Variants in MS4A18 observed in about 807,000 individuals in gnomAD.
MS4A18 encodes the protein membrane spanning 4-domains A18, also known as membrane-spanning 4-domains subfamily A member 18.
Under a neutral mutation model 13.1 loss-of-function variants are expected in MS4A18, and 27 were observed. The ratio of observed to expected loss-of-function variants is 2.06; its 90% CI spans 1.52 to 2.84. MS4A18 has a LOEUF of 2.84. Ranked by LOEUF, MS4A18 falls within the 30% of genes most tolerant of loss-of-function variation. The pLI is 0.00. For missense variants in MS4A18, 307 were observed against 196.4 expected (o/e 1.56, Z -3.37); for synonymous variants, 126 against 76.5 (o/e 1.65, Z -3.38).
rs910122221 is a variant in MS4A18, at chr11:60,739,094, A to G, written c.744+97A>G. 1.1e-5 allele frequency: 7 copies of G among 661,542 alleles called. No individual in the cohort carries two copies. The African/African-American group carries it at 1.1e-4, about 10-fold the overall frequency. 41.0% of individuals were successfully genotyped at this position (661,542 alleles called of 1,614,324 possible). A position where few individuals can be genotyped will look rare whatever the true frequency, so the allele number is the denominator to read the frequency against. ...CAGAATGGAATTGCCCCAGAATTCC[A>G]TCCTAGTATGACAACCACTACATCC... On this transcript the variant is annotated intron_variant, in intron 4 of 5. Transcript: ENST00000529108.
chr11:60,734,534 T>C (rs764103359), intron 2 of MS4A18, among the ~76,000 whole-genome samples: 5 of 152,208 alleles, frequency 3.3e-5, no homozygotes, highest in Non-Finnish European at 7.3e-5. Flanking sequence ...ATTCAGTATA[T>C]TTCATCTTGC....
chr11:60,743,916 C>A, exon 6 of MS4A18: 1 of 703,126 alleles, frequency 1.4e-6, no homozygotes, highest in Non-Finnish European at 2.6e-6. Flanking sequence ...CTACCACTGC[C>A]CCTGCCAAAG....
At chr11:60,736,948 A>G (rs1407598527) in intron 2 of MS4A18, 30 bp from the exon 4 acceptor site, 2 of 682,592 alleles carry the variant, frequency 2.9e-6, no homozygotes, top group Non-Finnish European at 5.3e-6. Context: ...ACAATTGGTC[A>G]TTCTTTTTTT....
chr11:60,729,378 C>T (rs1315035604), exon 1 of MS4A18: 9 of 702,700 alleles, frequency 1.3e-5, no homozygotes, highest in East Asian at 5.4e-5. Flanking sequence ...ATAATGTTCA[C>T]GTCATCCAGC....
At chr11:60,741,266 G>A (rs1853411282) in intron 5 of MS4A18, 123 bp downstream of exon 6, 2 of 676,592 alleles carry the variant, frequency 3.0e-6, no homozygotes, top group Admixed American at 4.1e-5. Context: ...GTTAAGTTTT[G>A]CTGCATAGCT....
At chr11:60,736,594 A>G (rs1246551248) in intron 2 of MS4A18, among the ~76,000 whole-genome samples, 1 of 152,162 alleles carries the variant, frequency 6.6e-6, no homozygotes, top group Non-Finnish European at 1.5e-5. Flanking sequence ...TTCCAAGATC[A>G]CAGTTGAGGA....
chr11:60,733,046 G>A (rs1255332432), intron 1 of MS4A18, among the ~76,000 whole-genome samples: 1 of 152,220 alleles, frequency 6.6e-6, no homozygotes, highest in Non-Finnish European at 1.5e-5. Flanking sequence ...AACTATCTGA[G>A]AACGATGTTA....
exon 1 of MS4A18, chr11:60,729,626 C>G (rs1301923941): frequency 1.4e-6 from 1 of 702,760 alleles, no homozygotes; most frequent in Admixed American, 2.0e-5. Context: ...ACACAGGGAA[C>G]CACGAATCTC....
chr11:60,726,507 T>TG (rs1172299722), upstream of MS4A18, among the ~76,000 whole-genome samples: 1 of 152,160 alleles, frequency 6.6e-6, no homozygotes, highest in African/African-American at 2.4e-5. Context: ...GAAACACAGA[T>TG]GGCTGATCCT....
At chr11:60,742,259 G>A (rs1412570849) in intron 5 of MS4A18, among the ~76,000 whole-genome samples, 1 of 152,086 alleles carries the variant, frequency 6.6e-6, no homozygotes, top group Admixed American at 6.5e-5. Context: ...TTTTTCATAA[G>A]GAAAGGCCTG....
Position 60,743,631 on chromosome 11 carries a change from CAT to C in MS4A18, c.859-18_859-17del, listed in dbSNP as rs1565062671. On this transcript the variant is annotated splice_polypyrimidine_tract_variant and intron_variant, in intron 5 of 5. Coordinates refer to ENST00000529108, the Ensembl canonical transcript of MS4A18. ...TTACTACAGAGGAAGATGACGACCA[CAT>C]GTCCTTTGTCTTTCAGAATGTGGCA... 1.4e-6 allele frequency: 1 copy of C among 700,022 alleles called. No homozygotes were observed. Among genetic ancestry groups the C allele is most frequent in the Non-Finnish European group, 2.6e-6 (1 of 383,292 alleles). The allele number at this position is 700,022 out of a possible 1,614,324, so 43.4% of individuals were successfully genotyped here. A position where few individuals can be genotyped will look rare whatever the true frequency, so the allele number is the denominator to read the frequency against.
At chr11:60,731,085 C>G (rs776092088) in intron 1 of MS4A18, among the ~76,000 whole-genome samples, 5 of 151,974 alleles carry the variant, frequency 3.3e-5, no homozygotes, top group Admixed American at 6.5e-5. Flanking sequence ...CAGAGCTAGA[C>G]TCAGTCTTTA....
upstream of MS4A18, among the ~76,000 whole-genome samples, chr11:60,727,896 A>G (rs1392034587): frequency 1.3e-5 from 2 of 152,358 alleles, no homozygotes; most frequent in South Asian, 4.1e-4. Context: ...AGTCCAGCTT[A>G]TCAGTCCTCA....
At chr11:60,728,438 GTGTGTGTC>G (rs1171905845), upstream of MS4A18, among the ~76,000 whole-genome samples, 1 of 148,534 alleles carries the variant, frequency 6.7e-6, no homozygotes, top group Non-Finnish European at 1.5e-5. Flanking sequence ...GTGTATCTGT[GTGTGTGTC>G]TGTGTGTCTG....
At position 60,733,651 on chromosome 11, in the gene MS4A18, A is replaced by C; in HGVS notation, c.591+4A>C. 1 of 703,604 alleles carries C rather than the reference A, an allele frequency of 1.4e-6. No individual in the cohort carries two copies. Among genetic ancestry groups the C allele is most frequent in the East Asian group, 2.7e-5 (1 of 37,288 alleles). The allele number at this position is 703,604 out of a possible 1,614,324, so 43.6% of individuals were successfully genotyped here. ...CCCGCTCTGGGGAGGATTATCCGTG[A>C]GTACAAGGCCATATGGTCTCCTTCC... On this transcript the variant is annotated splice_donor_region_variant and intron_variant, in intron 2 of 5. Transcript: ENST00000529108.
chr11:60,735,769 T>C (rs1432076998), intron 2 of MS4A18, among the ~76,000 whole-genome samples: 1 of 148,350 alleles, frequency 6.7e-6, no homozygotes, highest in Non-Finnish European at 1.5e-5. Context: ...GTTCAAGCGA[T>C]TGTCCTGCCT....
chr11:60,734,784 CT>C (rs546950110), intron 2 of MS4A18, among the ~76,000 whole-genome samples: 332 of 138,772 alleles, frequency 2.4e-3, no homozygotes, highest in East Asian at 5.7e-3. Flanking sequence ...CTTTTCTTTT[CT>C]TTTTTTTTTT....
chr11:60,724,928 T>C (rs562330202), upstream of MS4A18, among the ~76,000 whole-genome samples: 8 of 152,332 alleles, frequency 5.3e-5, no homozygotes, highest in African/African-American at 1.9e-4. Flanking sequence ...CATAGGGTAG[T>C]GCCCTCCAGC....
At chr11:60,732,532 A>G (rs2134675487) in intron 1 of MS4A18, among the ~76,000 whole-genome samples, 1 of 152,058 alleles carries the variant, frequency 6.6e-6, no homozygotes, top group Middle Eastern at 3.4e-3. Context: ...GATCGAGACC[A>G]TCCTGGCTAA....
Sources: gnomAD v4.1 joint callset for allele counts (sites outside exome capture counted in the v4.1 genomes callset) on GRCh38, gnomAD v4.1.1 for gene constraint, MANE v1.5 for transcripts, NCBI Gene and HGNC (gene_info 2026-07-23, HGNC 2026-07-21) for gene names.